LAMA2: variants seen among roughly 807,000 people sequenced by gnomAD.
The protein encoded by LAMA2 is laminin subunit alpha-2.
Under a neutral mutation model 364.8 loss-of-function variants are expected in LAMA2, and 269 were observed. The ratio of observed to expected loss-of-function variants is 0.74; its 90% CI spans 0.67 to 0.82. LAMA2 has a LOEUF of 0.82. LAMA2 is among the 40% of genes least tolerant of loss of function. The probability of loss-of-function intolerance (pLI) is 0.00; values close to 1 mark genes in which losing one functional copy is unlikely to be tolerated. For missense variants in LAMA2, 3,807 were observed against 3,873.2 expected, an observed-to-expected ratio of 0.98 and a Z score of 0.45; for synonymous variants, 1,379 against 1,370.6, an observed-to-expected ratio of 1.01 and a Z score of -0.14.
At chr6:129,404,403 T>G (rs1780142054) in intron 40 of LAMA2, among the ~76,000 whole-genome samples, 1 of 152,200 alleles carries the variant, frequency 6.6e-6, no homozygotes, top group Admixed American at 6.5e-5. Context: ...TCTAAACAAT[T>G]TATACCATGT....
At position 128,925,689 on chromosome 6, in the gene LAMA2, A is replaced by G. The variant is rs138258563; in HGVS notation, c.112+42332A>G. Among the ~76,000 whole-genome samples the G allele has an allele frequency of 8.9e-4, 136 of 152,310 alleles. 3 individuals carry two copies. In the East Asian group the frequency reaches 0.023, roughly 26 times the overall value. On this transcript the variant is annotated intron_variant, in intron 1 of 64. Transcript: ENST00000421865. ...TTATGTGTATTTTACAATACTTTAA[A>G]ATAATTCAAAAGTAACATCCTCACT...
At position 129,190,227 on chromosome 6, in the gene LAMA2, G is replaced by A; in HGVS notation, c.1490G>A (p.Cys497Tyr). ...ICKENVEGGD[C>Y]SRCKSGFFNL... ...CAGGAAAATGTTGAAGGAGGAGACT[G>A]TAGTCGTTGCAAATCCGGCTTCTTC... Residue 497 changes from cysteine (C) to tyrosine (Y), a missense_variant, in exon 11 of 65, where the codon TGT (cysteine) becomes TAT (tyrosine). Around this residue, in one of 3 missense-constraint regions of LAMA2, gnomAD observed 3,333 missense variants for 3,345.7 expected, o/e 1.00. Coordinates refer to ENST00000421865, the MANE Select transcript of LAMA2 (RefSeq NM_000426.4). The A allele has an allele frequency of 6.2e-7, 1 of 1,613,664 alleles. No individual in the cohort carries two copies. Among genetic ancestry groups the A allele is most frequent in the East Asian group, 2.2e-5 (1 of 44,860 alleles).
intron 58 of LAMA2, among the ~76,000 whole-genome samples, chr6:129,496,216 G>T (rs1213225910): frequency 2.0e-5 from 3 of 152,144 alleles, no homozygotes; most frequent in Non-Finnish European, 2.9e-5. Context: ...ACCCAGGCTG[G>T]AGTGTAATGT....
chr6:129,109,466 A>G (rs1379833200), intron 4 of LAMA2, among the ~76,000 whole-genome samples: 5 of 152,098 alleles, frequency 3.3e-5, no homozygotes, highest in Admixed American at 6.6e-5. Context: ...TAATGTCACT[A>G]CATTTTGAAA....
At chr6:128,977,154 C>A (rs1782579875) in intron 1 of LAMA2, among the ~76,000 whole-genome samples, 1 of 151,560 alleles carries the variant, frequency 6.6e-6, no homozygotes, top group Non-Finnish European at 1.5e-5. Flanking sequence ...TTTTTAATTT[C>A]TTTGCCACCT....
intron 10 of LAMA2, 30 bp from the exon 11 acceptor site, chr6:129,190,175 T>A (rs749231190): frequency 3.4e-5 from 54 of 1,610,930 alleles, no homozygotes; most frequent in Non-Finnish European, 4.6e-5. Context: ...GAAGGATACC[T>A]CTGTTGCTGA....
chr6:129,511,652 G>A (rs1300046257), intron 62 of LAMA2, among the ~76,000 whole-genome samples: 2 of 152,028 alleles, frequency 1.3e-5, no homozygotes, highest in African/African-American at 4.8e-5. Flanking sequence ...TTCAGTTGGT[G>A]TGGTCTAGAC....
In LAMA2 at chr6:129,098,209, A is replaced by G; in HGVS notation, c.433A>G (p.Asn145Asp). 9 of 1,614,044 alleles carry G rather than the reference A, an allele frequency of 5.6e-6. No individual in the cohort carries two copies. The highest frequency in any genetic ancestry group is 7.6e-6 in the Non-Finnish European group (9 of 1,179,962). ...CGCGTATGTGATTGTGAAGGCAGCT[A>G]ACTCCCCCCGGCCTGGAAACTGGAT... ...QIAYVIVKAA[N>D]SPRPGNWILE... Residue 145 changes from asparagine (N) to aspartate (D), a missense_variant, in exon 4 of 65, where the codon AAC becomes GAC. Physicochemically the swap from Asn to Asp is conservative, Grantham distance 23 (BLOSUM62 1). This residue lies in a region of LAMA2 where 394 missense variants were observed against 403.5 expected (regional missense o/e 0.98). Transcript: ENST00000421865.
chr6:128,995,847 A>AT (rs1166095140), intron 1 of LAMA2, among the ~76,000 whole-genome samples: 4 of 152,156 alleles, frequency 2.6e-5, no homozygotes, highest in Non-Finnish European at 4.4e-5. Flanking sequence ...ACATATACTG[A>AT]TTTTTTGGTA....
At chr6:129,292,625 A>G (rs1170012285) in intron 20 of LAMA2, among the ~76,000 whole-genome samples, 1 of 152,254 alleles carries the variant, frequency 6.6e-6, no homozygotes, top group African/African-American at 2.4e-5. Context: ...GATTTGCTCT[A>G]GCGCTTTCAC....
At position 129,143,986 on chromosome 6, in the gene LAMA2, G is replaced by T. The variant is rs373570586; in HGVS notation, c.725G>T (p.Arg242Leu). 6.2e-7 allele frequency: 1 copy of T among 1,612,326 alleles called. No individual in the cohort carries two copies. Among genetic ancestry groups the T allele is most frequent in the African/African-American group, 1.3e-5 (1 of 74,872 alleles). The change falls in exon 5 of 65, where the codon CGC becomes CTC. Residue 242 changes from arginine to leucine, a missense_variant. Coordinates refer to ENST00000421865, the MANE Select transcript of LAMA2 (RefSeq NM_000426.4). ...LLEFTSARYI[R>L]LRFQRIRTLN... is the part of the protein sequence containing the mutation. ...GAATTTACCTCCGCTCGCTATATTC[G>T]CCTGAGATTTCAGAGGATCCGCACA...
chr6:129,019,347 A>T (rs950766746), intron 1 of LAMA2, among the ~76,000 whole-genome samples: 7 of 150,966 alleles, frequency 4.6e-5, no homozygotes, highest in African/African-American at 1.7e-4. Flanking sequence ...ATTAAAACAT[A>T]AATTCCTTCT....
chr6:129,354,490 A>G (rs1740995409), intron 32 of LAMA2, among the ~76,000 whole-genome samples: 1 of 152,114 alleles, frequency 6.6e-6, no homozygotes, highest in South Asian at 2.1e-4. Context: ...GTATAATGAT[A>G]TATTTTAATG....
intron 1 of LAMA2, among the ~76,000 whole-genome samples, chr6:128,949,033 C>T (rs188784110): frequency 1.5e-4 from 23 of 152,160 alleles, no homozygotes; most frequent in African/African-American, 4.8e-4. Flanking sequence ...CACATCCCCC[C>T]GATGTAGGAT....
chr6:129,320,753 C>A, intron 28 of LAMA2, 98 bp downstream of exon 28: 1 of 730,228 alleles, frequency 1.4e-6, no homozygotes, highest in Non-Finnish European at 2.5e-6. Context: ...TATTCTTAAT[C>A]TATTTTATTT....
At chr6:129,476,492 C>T (rs546976479) in intron 53 of LAMA2, among the ~76,000 whole-genome samples, 10 of 152,204 alleles carry the variant, frequency 6.6e-5, no homozygotes, top group South Asian at 4.1e-4. Flanking sequence ...AACAGGGACC[C>T]GTGGTTACCA....
At chr6:129,223,615 C>A (rs1784034298) in intron 12 of LAMA2, among the ~76,000 whole-genome samples, 1 of 152,174 alleles carries the variant, frequency 6.6e-6, no homozygotes, top group Admixed American at 6.5e-5. Context: ...TTCCCCATTG[C>A]TTGTTTTTGT....
intron 18 of LAMA2, among the ~76,000 whole-genome samples, chr6:129,282,665 T>C (rs1788805457): frequency 6.6e-6 from 1 of 152,136 alleles, no homozygotes; most frequent in Non-Finnish European, 1.5e-5. Context: ...CCTAATTACC[T>C]TTCCTTTCAG....
At chr6:129,021,066 C>A (rs558063545) in intron 1 of LAMA2, among the ~76,000 whole-genome samples, 41 of 152,288 alleles carry the variant, frequency 2.7e-4, no homozygotes, top group African/African-American at 9.9e-4. Context: ...TTTAAAACCA[C>A]AACTTTAATT....
Sources: allele counts gnomAD v4.1 joint callset (sites outside exome capture counted in the v4.1 genomes callset), GRCh38; gene constraint gnomAD v4.1.1; regional missense constraint gnomAD v4.1.1; transcripts MANE v1.5; gene names NCBI Gene and HGNC (gene_info 2026-07-23, HGNC 2026-07-21).